The following THRB variants were observed in gnomAD, a reference collection of about 807,000 sequenced individuals.
The protein encoded by THRB is thyroid hormone receptor beta, also known as nuclear receptor subfamily 1 group A member 2.
In THRB, 12 loss-of-function variants were observed where a neutral mutation model predicts 47.8. The ratio of observed to expected loss-of-function variants is 0.25; its 90% CI spans 0.16 to 0.41. The LOEUF (loss-of-function observed/expected upper bound fraction) is 0.41. THRB is among the 10% of genes least tolerant of loss of function. THRB has a pLI of 1.00. For missense variants in THRB, 348 were observed against 589.2 expected, an observed-to-expected ratio of 0.59 and a Z score of 4.24; for synonymous variants, 218 against 212.2, an observed-to-expected ratio of 1.03 and a Z score of -0.24.
intron 1 of THRB, among the ~76,000 whole-genome samples, chr3:24,436,755 C>T (rs77757197): frequency 0.067 from 10,252 of 152,138 alleles, 605 homozygotes; most frequent in African/African-American, 0.15. Flanking sequence ...CCACCTGGGC[C>T]AAGCTTCTTC....
Position 24,153,725 on chromosome 3 carries a change from T to C in THRB, c.284-1235A>G, listed in dbSNP as rs769701110. On this transcript the variant is annotated intron_variant, in intron 5 of 10. Transcript: ENST00000646209. ...TCAATGGTTTACCATTGATAAATTA[T>C]GTGATATATAGAATCACACAGCTTC... 4.7e-4 allele frequency among the ~76,000 whole-genome samples: 72 copies of C among 152,156 alleles called. 1 individual carries two copies. The highest frequency in any genetic ancestry group is 1.2e-4 in the Non-Finnish European group (8 of 68,014).
At chr3:24,327,259 C>A (rs535149812) in intron 2 of THRB, among the ~76,000 whole-genome samples, 56 of 151,544 alleles carry the variant, frequency 3.7e-4, no homozygotes, top group African/African-American at 1.3e-3. Flanking sequence ...GCTCAGGGAC[C>A]CCCCCCACCG....
At chr3:24,158,277 C>T (rs2038175282) in intron 5 of THRB, among the ~76,000 whole-genome samples, 1 of 152,236 alleles carries the variant, frequency 6.6e-6, no homozygotes. Context: ...GCTCCACAGT[C>T]AGAACCTCTC....
chr3:24,277,473 A>G (rs1417148990), intron 3 of THRB, among the ~76,000 whole-genome samples: 4 of 152,160 alleles, frequency 2.6e-5, no homozygotes, highest in Admixed American at 1.3e-4. Flanking sequence ...TGATTCAGTG[A>G]GTCTGGAGCA....
chr3:24,285,676 T>A (rs2055200871), intron 3 of THRB, among the ~76,000 whole-genome samples: 1 of 152,144 alleles, frequency 6.6e-6, no homozygotes, highest in Admixed American at 6.6e-5. Context: ...ACCTGGTAAC[T>A]TCCTATGTCT....
At chr3:24,345,504 G>C (rs2062956505) in intron 1 of THRB, among the ~76,000 whole-genome samples, 1 of 152,112 alleles carries the variant, frequency 6.6e-6, no homozygotes. Context: ...GGCATGCAGA[G>C]TGCAGCAAAC....
At chr3:24,302,987 C>T (rs2057060741) in intron 2 of THRB, among the ~76,000 whole-genome samples, 1 of 152,088 alleles carries the variant, frequency 6.6e-6, no homozygotes, top group South Asian at 2.1e-4. Context: ...TGTTGCACTC[C>T]AGTTTTTTAC....
intron 4 of THRB, among the ~76,000 whole-genome samples, chr3:24,205,172 G>C (rs2045161807): frequency 6.6e-6 from 1 of 152,114 alleles, no homozygotes; most frequent in Non-Finnish European, 1.5e-5. Flanking sequence ...GATACTCCTT[G>C]AGAAGAGCAA....
intron 3 of THRB, among the ~76,000 whole-genome samples, chr3:24,242,135 T>G (rs994715493): frequency 6.6e-6 from 1 of 152,208 alleles, no homozygotes; most frequent in African/African-American, 2.4e-5. Flanking sequence ...TATCTCCCAT[T>G]TCTTATGGGT....
rs564100467 is a variant in THRB, at chr3:24,355,587, G to A, written c.-260-18216C>T. ...TACACAACGAAACACTTAGGAATGA[G>A]GGCATAAAAGACAGTAAGGTGGCTG... On this transcript the variant is annotated intron_variant, in intron 1 of 10. Transcript: ENST00000646209. 2.2e-4 allele frequency among the ~76,000 whole-genome samples: 33 copies of A among 152,204 alleles called. No homozygotes were observed. The South Asian group carries it at 3.5e-3, about 16-fold the overall frequency.
At chr3:24,205,472 G>A (rs1482479295) in intron 4 of THRB, among the ~76,000 whole-genome samples, 12 of 152,134 alleles carry the variant, frequency 7.9e-5, no homozygotes, top group Admixed American at 7.9e-4. Context: ...TCACCACCAG[G>A]CCTGCCCTAC....
chr3:24,253,069 A>C (rs1244770504), intron 3 of THRB, among the ~76,000 whole-genome samples: 3 of 152,218 alleles, frequency 2.0e-5, no homozygotes, highest in Non-Finnish European at 4.4e-5. Context: ...ATACAAATAA[A>C]GGTGGGGGAA....
At chr3:24,223,250 C>T (rs2047339123) in intron 4 of THRB, among the ~76,000 whole-genome samples, 1 of 151,736 alleles carries the variant, frequency 6.6e-6, no homozygotes, top group Admixed American at 6.6e-5. Flanking sequence ...GGTAACAATG[C>T]AAGTGTTAAA....
At chr3:24,230,062 C>A (rs2048098196) in intron 3 of THRB, among the ~76,000 whole-genome samples, 1 of 152,110 alleles carries the variant, frequency 6.6e-6, no homozygotes, top group Non-Finnish European at 1.5e-5. Context: ...GTACTGTGCC[C>A]ATGAAAGGGA....
intron 1 of THRB, among the ~76,000 whole-genome samples, chr3:24,346,353 C>G (rs1356007675): frequency 6.6e-6 from 1 of 151,712 alleles, no homozygotes; most frequent in Non-Finnish European, 1.5e-5. Flanking sequence ...GACTAACAAG[C>G]CAGTAGAGGT....
At chr3:24,372,938 A>T (rs2065022328) in intron 1 of THRB, among the ~76,000 whole-genome samples, 1 of 152,126 alleles carries the variant, frequency 6.6e-6, no homozygotes, top group African/African-American at 2.4e-5. Flanking sequence ...CAGACATTCC[A>T]CAAAGCCTGT....
At chr3:24,266,627 A>G in intron 3 of THRB, among the ~76,000 whole-genome samples, 1 of 152,134 alleles carries the variant, frequency 6.6e-6, no homozygotes, top group East Asian at 1.9e-4. Flanking sequence ...GGTTTAGCAC[A>G]TCGAATGGGA....
intron 1 of THRB, among the ~76,000 whole-genome samples, chr3:24,481,865 A>G (rs1280378178): frequency 1.3e-5 from 2 of 151,502 alleles, no homozygotes; most frequent in Non-Finnish European, 2.9e-5. Flanking sequence ...ATCCAGAACA[A>G]GGGAATCCTG....
chr3:24,213,729 T>C (rs528040337), intron 4 of THRB, among the ~76,000 whole-genome samples: 1 of 152,332 alleles, frequency 6.6e-6, no homozygotes, highest in East Asian at 1.9e-4. Context: ...GCCTGGAAAG[T>C]GCGACTAGAA....
Sources: gnomAD v4.1 joint callset for allele counts (sites outside exome capture counted in the v4.1 genomes callset) on GRCh38, gnomAD v4.1.1 for gene constraint, MANE v1.5 for transcripts, NCBI Gene and HGNC (gene_info 2026-07-23, HGNC 2026-07-21) for gene names.